The following PPM1L variants were observed in gnomAD, a reference collection of about 807,000 sequenced individuals.
PPM1L encodes protein phosphatase 1L.
A neutral mutation model predicts 31.4 loss-of-function variants in PPM1L; 13 were observed. That is an observed-to-expected ratio of 0.41 (90% CI 0.27 to 0.66). The LOEUF (loss-of-function observed/expected upper bound fraction) is 0.66, where lower values mean the gene tolerates loss of function less well. PPM1L is among the 30% of genes least tolerant of loss of function. The pLI, the probability that PPM1L is intolerant of heterozygous loss-of-function variation, is 0.29. For missense variants in PPM1L, 326 were observed against 453.7 expected, an observed-to-expected ratio of 0.72 and a Z score of 2.56; for synonymous variants, 184 against 175.4, an observed-to-expected ratio of 1.05 and a Z score of -0.39.
intron 2 of PPM1L, among the ~76,000 whole-genome samples, chr3:160,962,593 C>T (rs1355619255): frequency 6.6e-6 from 1 of 151,960 alleles, no homozygotes; most frequent in African/African-American, 2.4e-5. Context: ...ACCTCCCCCT[C>T]TCAAAAAAAT....
At chr3:160,815,195 C>G (rs1472155152) in intron 1 of PPM1L, among the ~76,000 whole-genome samples, 1 of 152,078 alleles carries the variant, frequency 6.6e-6, no homozygotes, top group Non-Finnish European at 1.5e-5. Context: ...AAGTGAGGGA[C>G]TTGAGACACA....
chr3:160,763,242 T>C (rs151078825), intron 1 of PPM1L, among the ~76,000 whole-genome samples: 467 of 152,320 alleles, frequency 3.1e-3, no homozygotes, highest in Non-Finnish European at 5.4e-3. Context: ...TGCCACTTTG[T>C]GAGGAGCTCA....
chr3:160,836,586 G>A (rs1025165238), intron 1 of PPM1L, among the ~76,000 whole-genome samples: 3 of 152,318 alleles, frequency 2.0e-5, no homozygotes, highest in East Asian at 3.9e-4. Context: ...CTAAAGTTAC[G>A]TGATTTACTC....
At position 160,924,562 on chromosome 3, in the gene PPM1L, A is replaced by G. The variant is rs573072616; in HGVS notation, c.400-37174A>G. 7.1e-4 allele frequency among the ~76,000 whole-genome samples: 108 copies of G among 152,346 alleles called. 1 individual carries two copies. The highest frequency in any genetic ancestry group is 4.6e-3 in the Admixed American group (70 of 15,300). On this transcript the variant is annotated intron_variant, in intron 1 of 3. Transcript: ENST00000498165. Reference sequence around the variant, plus strand: ...CAGTGCCTACCTACCATTGTTCTCCAGGACAATATAAAATAGTTCAATAAG... The same window carrying G: ...CAGTGCCTACCTACCATTGTTCTCCGGGACAATATAAAATAGTTCAATAAG...
In PPM1L at chr3:161,071,766, T is replaced by G. The variant is rs1193969995; in HGVS notation, c.*2609T>G. 6.6e-6 allele frequency: 1 copy of G among 152,212 alleles called. No homozygotes were observed. Among genetic ancestry groups the G allele is most frequent in the African/African-American group, 2.4e-5 (1 of 41,450 alleles). The allele number at this position is 152,212 out of a possible 1,614,324, so 9.4% of individuals were successfully genotyped here. A position where few individuals can be genotyped will look rare whatever the true frequency, so the allele number is the denominator to read the frequency against. ...TCCAGCTGTTGGGGATGTGCAGACA[T>G]CACTCCTGGGGGTGCCCTATGGTAC... On this transcript the variant is annotated 3_prime_UTR_variant, in exon 4 of 4. Coordinates refer to ENST00000498165, the MANE Select transcript of PPM1L (RefSeq NM_139245.4).
In PPM1L at chr3:160,937,006, C is replaced by T. The variant is rs79033752; in HGVS notation, c.400-24730C>T. On this transcript the variant is annotated intron_variant, in intron 1 of 3. Transcript: ENST00000498165. ...GAGAGAATACATCTGTGGTTCTTAG[C>T]TTAGTGCCTGGCCTATAGTAAATGC... 2.1e-4 allele frequency among the ~76,000 whole-genome samples: 32 copies of T among 152,280 alleles called. No homozygotes were observed. In the East Asian group the frequency reaches 6.2e-3, roughly 29 times the overall value.
chr3:160,795,711 A>G (rs1712226892), intron 1 of PPM1L, among the ~76,000 whole-genome samples: 1 of 152,232 alleles, frequency 6.6e-6, no homozygotes, highest in Admixed American at 6.5e-5. Flanking sequence ...TTTAAAAGTA[A>G]TACAGATCAT....
intron 1 of PPM1L, among the ~76,000 whole-genome samples, chr3:160,868,845 A>G (rs1463583310): frequency 2.6e-5 from 4 of 152,228 alleles, no homozygotes; most frequent in Non-Finnish European, 1.5e-5. Context: ...ATCACAACAG[A>G]ACTTTAAGAA....
intron 1 of PPM1L, among the ~76,000 whole-genome samples, chr3:160,855,583 A>G (rs1711673292): frequency 6.6e-6 from 1 of 152,236 alleles, no homozygotes; most frequent in South Asian, 2.1e-4. Context: ...ACGTTTCAAA[A>G]GACACCAATG....
chr3:160,779,424 A>G (rs1711672025), intron 1 of PPM1L, among the ~76,000 whole-genome samples: 2 of 151,100 alleles, frequency 1.3e-5, no homozygotes, highest in South Asian at 4.2e-4. Context: ...TGCTAGGGGG[A>G]TAATATCTGC....
chr3:161,001,223 A>G (rs2108051764), intron 2 of PPM1L, among the ~76,000 whole-genome samples: 1 of 152,294 alleles, frequency 6.6e-6, no homozygotes, highest in East Asian at 1.9e-4. Context: ...AACAAAAAAC[A>G]AAAACAACAA....
intron 2 of PPM1L, among the ~76,000 whole-genome samples, chr3:160,985,914 A>T (rs753950405): frequency 1.3e-5 from 2 of 151,416 alleles, no homozygotes; most frequent in Non-Finnish European, 2.9e-5. Flanking sequence ...TTAATGTATG[A>T]TTTTTTTATT....
At chr3:160,788,847 T>C (rs1346827005) in intron 1 of PPM1L, among the ~76,000 whole-genome samples, 2 of 151,858 alleles carry the variant, frequency 1.3e-5, no homozygotes, top group Non-Finnish European at 2.9e-5. Flanking sequence ...ACCTGTAGGG[T>C]CTATTTCTGG....
chr3:160,907,054 T>A (rs932664913), intron 1 of PPM1L, among the ~76,000 whole-genome samples: 6 of 152,200 alleles, frequency 3.9e-5, no homozygotes, highest in Admixed American at 6.5e-5. Flanking sequence ...AGCAATTACA[T>A]AAATAGCAGG....
intron 1 of PPM1L, among the ~76,000 whole-genome samples, chr3:160,953,370 AACTC>A (rs1715634703): frequency 6.6e-6 from 1 of 152,222 alleles, no homozygotes; most frequent in African/African-American, 2.4e-5. Flanking sequence ...AAAAATGAAA[AACTC>A]ACACAACCAT....
intron 2 of PPM1L, among the ~76,000 whole-genome samples, chr3:161,013,608 A>G (rs898850145): frequency 2.0e-5 from 3 of 152,090 alleles, no homozygotes; most frequent in African/African-American, 7.2e-5. Flanking sequence ...TGATCTGTCT[A>G]ATGTTGACAG....
chr3:160,985,992 A>AT (rs1716952320), intron 2 of PPM1L, among the ~76,000 whole-genome samples: 2 of 151,878 alleles, frequency 1.3e-5, no homozygotes, highest in Non-Finnish European at 2.9e-5. Flanking sequence ...AAAAAAAAAA[A>AT]TAGCACCTCA....
chr3:161,001,322 GC>G (rs1047405227), intron 2 of PPM1L, among the ~76,000 whole-genome samples: 1 of 151,972 alleles, frequency 6.6e-6, no homozygotes, highest in Non-Finnish European at 1.5e-5. Flanking sequence ...TCACTCTGTC[GC>G]CAGGCTGGAG....
chr3:160,872,928 G>GA (rs1245042964), intron 1 of PPM1L, among the ~76,000 whole-genome samples: 2 of 151,396 alleles, frequency 1.3e-5, no homozygotes, highest in East Asian at 1.9e-4. Context: ...CTCTGTCTGG[G>GA]AAAAAAAAGA....
Sources: gnomAD v4.1 joint callset for allele counts (sites outside exome capture counted in the v4.1 genomes callset) on GRCh38, gnomAD v4.1.1 for gene constraint, MANE v1.5 for transcripts, NCBI Gene and HGNC (gene_info 2026-07-23, HGNC 2026-07-21) for gene names.